CDH18: variants seen among roughly 807,000 people sequenced by gnomAD.
CDH18 encodes cadherin 18, also known as cadherin-18.
A neutral mutation model predicts 67.9 loss-of-function variants in CDH18; 31 were observed. The ratio of observed to expected loss-of-function variants is 0.46; its 90% confidence interval spans 0.34 to 0.62. CDH18 has a LOEUF of 0.62. Ranked by LOEUF, CDH18 falls within the 20% of genes least tolerant of loss-of-function variation. The pLI, the probability that CDH18 is intolerant of heterozygous loss-of-function variation, is 0.01. For synonymous variants in CDH18, 362 were observed against 347.2 expected (o/e 1.04, Z -0.48); for missense variants, 890 against 975.5 (o/e 0.91, Z 1.17).
chr5:20,477,991 A>G (rs960359006), intron 1 of CDH18, among the ~76,000 whole-genome samples: 3 of 152,138 alleles, frequency 2.0e-5, no homozygotes, highest in Admixed American at 6.5e-5. Context: ...TTCTAGACAC[A>G]CCCTGGGTAA....
intron 1 of CDH18, among the ~76,000 whole-genome samples, chr5:20,495,353 TC>T (rs1457721586): frequency 6.6e-6 from 1 of 152,036 alleles, no homozygotes. Context: ...ACAACAAATG[TC>T]AATAACCTAA....
chr5:20,164,721 G>T (rs751650754), intron 2 of CDH18, among the ~76,000 whole-genome samples: 3 of 152,098 alleles, frequency 2.0e-5, no homozygotes, highest in Non-Finnish European at 4.4e-5. Context: ...ATACGGCCAA[G>T]AATTTATATT....
chr5:19,926,322 T>C (rs1422079696), intron 2 of CDH18, among the ~76,000 whole-genome samples: 1 of 152,204 alleles, frequency 6.6e-6, no homozygotes, highest in African/African-American at 2.4e-5. Context: ...AAATATGTTT[T>C]ATAACAACTT....
At chr5:20,042,303 C>G (rs1371701467) in intron 2 of CDH18, among the ~76,000 whole-genome samples, 2 of 152,182 alleles carry the variant, frequency 1.3e-5, no homozygotes, top group Non-Finnish European at 2.9e-5. Flanking sequence ...AATCTCAGAA[C>G]AGCATTCTCT....
intron 8 of CDH18, among the ~76,000 whole-genome samples, chr5:19,565,795 G>A (rs1740285682): frequency 6.6e-6 from 1 of 152,188 alleles, no homozygotes; most frequent in African/African-American, 2.4e-5. Context: ...AAACTCTGCT[G>A]GACATTCATC....
intron 2 of CDH18, among the ~76,000 whole-genome samples, chr5:20,030,540 GC>G (rs2150450305): frequency 6.6e-6 from 1 of 152,206 alleles, no homozygotes; most frequent in South Asian, 2.1e-4. Flanking sequence ...GCCATTATTG[GC>G]CATGATACAT....
chr5:20,364,758 C>T (rs1562005767), intron 1 of CDH18, among the ~76,000 whole-genome samples: 1 of 152,062 alleles, frequency 6.6e-6, no homozygotes, highest in Non-Finnish European at 1.5e-5. Context: ...TAACAATGCA[C>T]ATGCATAAAT....
At chr5:20,185,682 T>C (rs1435773944) in intron 2 of CDH18, among the ~76,000 whole-genome samples, 1 of 152,150 alleles carries the variant, frequency 6.6e-6, no homozygotes. Flanking sequence ...TATTACTCCA[T>C]CTAAGAAGAT....
intron 3 of CDH18, among the ~76,000 whole-genome samples, chr5:19,796,047 A>G (rs1363004818): frequency 6.6e-6 from 1 of 152,096 alleles, no homozygotes; most frequent in African/African-American, 2.4e-5. Context: ...TCTGCAAAAC[A>G]GAGAGAAAAA....
chr5:20,409,597 T>G (rs1162666469), intron 1 of CDH18, among the ~76,000 whole-genome samples: 1 of 151,292 alleles, frequency 6.6e-6, no homozygotes, highest in Non-Finnish European at 1.5e-5. Context: ...TAACTTTACA[T>G]CTCAACAAAC....
intron 1 of CDH18, among the ~76,000 whole-genome samples, chr5:20,486,053 A>AAGAGTTGC (rs1753150722): frequency 6.6e-6 from 1 of 152,204 alleles, no homozygotes; most frequent in Admixed American, 6.5e-5. Context: ...GAAGGGTTAA[A>AAGAGTTGC]AGAGTTGCTG....
intron 2 of CDH18, among the ~76,000 whole-genome samples, chr5:20,192,934 C>T (rs1324071995): frequency 6.6e-6 from 1 of 152,106 alleles, no homozygotes; most frequent in East Asian, 1.9e-4. Flanking sequence ...CTATAAATTA[C>T]TTTGGGAGTG....
chr5:20,484,577 A>G (rs750482116), intron 1 of CDH18, among the ~76,000 whole-genome samples: 4 of 152,122 alleles, frequency 2.6e-5, no homozygotes, highest in Non-Finnish European at 2.9e-5. Flanking sequence ...CTACATATAC[A>G]TAATGGAGTT....
intron 2 of CDH18, among the ~76,000 whole-genome samples, chr5:20,046,570 A>G (rs1561745238): frequency 6.6e-6 from 1 of 150,588 alleles, no homozygotes. Context: ...CCAAGCAAGA[A>G]AAAAGCAGAA....
At chr5:20,236,933 C>A (rs1459695249) in intron 2 of CDH18, among the ~76,000 whole-genome samples, 1 of 151,832 alleles carries the variant, frequency 6.6e-6, no homozygotes, top group Non-Finnish European at 1.5e-5. Context: ...GCTAGCAAAT[C>A]AAATCCTATA....
At chr5:19,807,249 A>T (rs1778135672) in intron 3 of CDH18, among the ~76,000 whole-genome samples, 1 of 152,148 alleles carries the variant, frequency 6.6e-6, no homozygotes, top group Non-Finnish European at 1.5e-5. Context: ...ATGGGTTGAG[A>T]GGTGCAGTAA....
At chr5:19,551,694 T>C (rs1390368285) in intron 8 of CDH18, among the ~76,000 whole-genome samples, 1 of 152,182 alleles carries the variant, frequency 6.6e-6, no homozygotes, top group African/African-American at 2.4e-5. Flanking sequence ...TCTATTTTGA[T>C]AAGACAGTTC....
In CDH18 at chr5:20,202,670, AT is replaced by A. The variant is rs749728319; in HGVS notation, c.-518+52773del. Among the ~76,000 whole-genome samples the A allele has an allele frequency of 1.5e-3, 223 of 151,074 alleles. 1 individual carries two copies. The highest frequency in any genetic ancestry group is 5.1e-3 in the African/African-American group (210 of 41,214). On this transcript the variant is annotated intron_variant, in intron 2 of 14. Transcript: ENST00000507958. ...CAGGTTCTTTTTATTTTTTATTTTT[AT>A]TTTTTTTGCATTTTGCTAGGATCAT... is the stretch of plus-strand genomic sequence containing the variant.
At chr5:19,751,239 A>G (rs1253623374) in intron 3 of CDH18, among the ~76,000 whole-genome samples, 1 of 152,210 alleles carries the variant, frequency 6.6e-6, no homozygotes, top group Non-Finnish European at 1.5e-5. Flanking sequence ...TCATCAATAA[A>G]ATAATATTCT....
Sources: gnomAD v4.1 joint callset for allele counts (sites outside exome capture counted in the v4.1 genomes callset) on GRCh38, gnomAD v4.1.1 for gene constraint, MANE v1.5 for transcripts, NCBI Gene and HGNC (gene_info 2026-07-23, HGNC 2026-07-21) for gene names.